The following RAG1 variants were observed in gnomAD, a reference collection of about 807,000 sequenced individuals.
RAG1 encodes recombination activating 1.
In RAG1, 35 loss-of-function variants were observed where a neutral mutation model predicts 62.7. That is an observed-to-expected ratio of 0.56 (90% confidence interval 0.43 to 0.74). The LOEUF (loss-of-function observed/expected upper bound fraction) is 0.74, where lower values mean the gene tolerates loss of function less well. Ranked by LOEUF, RAG1 falls within the 30% of genes least tolerant of loss-of-function variation. The probability of loss-of-function intolerance (pLI) is 0.00; values close to 1 mark genes in which losing one functional copy is unlikely to be tolerated. For missense variants in RAG1, 1,169 were observed against 1,278.6 expected (o/e 0.91, Z 1.31); for synonymous variants, 461 against 470.3 (o/e 0.98, Z 0.26).
At chr11:36,530,686 G>A (rs574216408) in intron 2 of RAG1, among the ~76,000 whole-genome samples, 1 of 151,956 alleles carries the variant, frequency 6.6e-6, no homozygotes, top group Admixed American at 6.6e-5. Context: ...GTCAGAGAAC[G>A]CACTTGATAT....
intron 3 of RAG1, among the ~76,000 whole-genome samples, chr11:36,546,982 C>G (rs1564981561): frequency 6.6e-6 from 1 of 151,630 alleles, no homozygotes; most frequent in Non-Finnish European, 1.5e-5. Flanking sequence ...CTCTGGCTGC[C>G]CTTAACATTT....
intron 1 of RAG1, among the ~76,000 whole-genome samples, chr11:36,568,840 A>C (rs1564986644): frequency 6.6e-6 from 1 of 152,190 alleles, no homozygotes. Context: ...AGGTTGTCTG[A>C]AGGAAGAGCA....
chr11:36,574,044 G>T lies in RAG1; in HGVS notation c.740G>T (p.Arg247Leu), dbSNP rs4151029. 8 of 1,614,138 alleles carry T rather than the reference G, an allele frequency of 5.0e-6. No homozygotes were observed. Among genetic ancestry groups the T allele is most frequent in the African/African-American group, 1.3e-5 (1 of 75,030 alleles). The change falls in exon 2 of 2, where the codon CGT (arginine) becomes CTT (leucine). Residue 247 changes from arginine (R) to leucine (L), a missense_variant. Coordinates refer to ENST00000299440, the MANE Select transcript of RAG1 (RefSeq NM_000448.3). Reference sequence around the variant, plus strand: ...GTGCTTGACCAAGCAAGACAAGCCCGTCAGCACAAGAGAAGAGCTCAGGCA... The same window carrying T: ...GTGCTTGACCAAGCAAGACAAGCCCTTCAGCACAAGAGAAGAGCTCAGGCA... ...KTVLDQARQA[R>L]QHKRRAQARI...
intron 3 of RAG1, among the ~76,000 whole-genome samples, chr11:36,542,352 CAT>C (rs1850318568): frequency 6.6e-6 from 1 of 152,160 alleles, no homozygotes; most frequent in African/African-American, 2.4e-5. Context: ...CACAGGGTAA[CAT>C]AGAGATGCTT....
intron 3 of RAG1, among the ~76,000 whole-genome samples, chr11:36,544,702 C>T (rs1379004932): frequency 6.6e-6 from 1 of 152,142 alleles, no homozygotes; most frequent in Non-Finnish European, 1.5e-5. Context: ...GGCTACATGT[C>T]CTCACCCAAA....
chr11:36,525,780 T>G (rs1860152642), intron 2 of RAG1, among the ~76,000 whole-genome samples: 1 of 152,182 alleles, frequency 6.6e-6, no homozygotes, highest in South Asian at 2.1e-4. Context: ...ACTCACTTTT[T>G]AAATTCTAGG....
intron 2 of RAG1, among the ~76,000 whole-genome samples, chr11:36,533,611 T>A (rs975471253): frequency 2.0e-5 from 3 of 152,220 alleles, no homozygotes; most frequent in Non-Finnish European, 4.4e-5. Flanking sequence ...ATTTTTTAGT[T>A]CTGTTTCATG....
chr11:36,524,276 C>A (rs1860124559), intron 2 of RAG1, among the ~76,000 whole-genome samples: 1 of 150,140 alleles, frequency 6.7e-6, no homozygotes, highest in Non-Finnish European at 1.5e-5. Context: ...ACCAACATGG[C>A]ACATGTATAT....
At chr11:36,562,590 A>T (rs1850605529) in intron 3 of RAG1, among the ~76,000 whole-genome samples, 2 of 152,118 alleles carry the variant, frequency 1.3e-5, no homozygotes, top group Non-Finnish European at 2.9e-5. Context: ...TGATAACCAT[A>T]CTCACTCATT....
upstream of RAG1, among the ~76,000 whole-genome samples, chr11:36,567,605 G>C (rs539881669): frequency 6.6e-5 from 10 of 152,300 alleles, no homozygotes; most frequent in South Asian, 1.2e-3. Context: ...CATCTACAAA[G>C]AGGCAGACAT....
rs112766186 is a variant in RAG1, at chr11:36,577,536, C to T, written c.*1100C>T. ...CAGGATAACCTTGTATTTTTCCATCCGCTAAGTTTAGATGGAGTCCAAACG... is the reference window on the plus strand; with the variant it reads ...CAGGATAACCTTGTATTTTTCCATCTGCTAAGTTTAGATGGAGTCCAAACG... On this transcript the variant is annotated 3_prime_UTR_variant, in exon 2 of 2. Transcript: ENST00000299440. 27 of 167,078 alleles carry T rather than the reference C, an allele frequency of 1.6e-4. No homozygotes were observed. Among genetic ancestry groups the T allele is most frequent in the East Asian group, 7.7e-4 (4 of 5,192 alleles). 10.3% of individuals were successfully genotyped at this position (167,078 alleles called of 1,614,324 possible).
At chr11:36,549,146 G>A (rs36195747) in intron 3 of RAG1, among the ~76,000 whole-genome samples, 1 of 152,160 alleles carries the variant, frequency 6.6e-6, no homozygotes, top group African/African-American at 2.4e-5. Context: ...AGGCTTAAAT[G>A]TAAGACCTAA....
At chr11:36,572,521 A>G (rs1850764158) in intron 1 of RAG1, among the ~76,000 whole-genome samples, 1 of 152,214 alleles carries the variant, frequency 6.6e-6, no homozygotes, top group South Asian at 2.1e-4. Context: ...ATCTGAAACC[A>G]TGTGAATTTT....
At chr11:36,566,577 A>G (rs1215321264), upstream of RAG1, 2 of 152,196 alleles carry the variant, frequency 1.3e-5, no homozygotes, top group African/African-American at 4.8e-5. Context: ...ACTCCTCTCT[A>G]CTTGACCTCA....
chr11:36,557,499 C>T (rs1011433830), intron 3 of RAG1, among the ~76,000 whole-genome samples: 4 of 149,226 alleles, frequency 2.7e-5, no homozygotes, highest in Non-Finnish European at 4.4e-5. Context: ...CACTGGCCTG[C>T]GCCCACTGTC....
In RAG1 at chr11:36,573,787, C is replaced by T. The variant is rs372677584; in HGVS notation, c.483C>T (p.Ile161=). ...WPDLIAKVFR[I]DVKADVDSIH... is the part of the protein sequence containing the mutation. ...ACCTCATTGCCAAGGTTTTCCGGAT[C>T]GATGTGAAGGCAGATGTTGACTCGA... The change falls in exon 2 of 2, where the codon ATC becomes ATT. Residue 161 remains isoleucine (I), a synonymous_variant. Transcript: ENST00000299440. 14 of 1,613,952 alleles carry T rather than the reference C, an allele frequency of 8.7e-6. No individual in the cohort carries two copies. The highest frequency in any genetic ancestry group is 4.0e-5 in the African/African-American group (3 of 74,898).
At chr11:36,516,044 G>A (rs1859990807) in intron 1 of RAG1, among the ~76,000 whole-genome samples, 1 of 152,122 alleles carries the variant, frequency 6.6e-6, no homozygotes, top group South Asian at 2.1e-4. Context: ...TGAAGAAAGG[G>A]GAAGGTGGGC....
rs1347498530 is a variant in RAG1, at chr11:36,574,248, T to G, written c.944T>G (p.Val315Gly). The G allele has an allele frequency of 6.2e-7, 1 of 1,614,166 alleles. No homozygotes were observed. The highest frequency in any genetic ancestry group is 8.5e-7 in the Non-Finnish European group (1 of 1,180,038). Residue 315 changes from valine (V) to glycine (G), a missense_variant, in exon 2 of 2, where the codon GTC (valine) becomes GGC (glycine). Val to Gly is a moderately radical substitution (Grantham distance 109, BLOSUM62 -3). Around this residue, in one of 2 missense-constraint regions of RAG1, gnomAD observed 800 missense variants for 943.3 expected, o/e 0.85. Coordinates refer to ENST00000299440, the MANE Select transcript of RAG1 (RefSeq NM_000448.3). The part of the protein sequence containing the change: ...ETNCKHVFCR[V>G]CILRCLKVMG... ...AACTGTAAGCATGTCTTTTGCCGGG[T>G]CTGCATTCTCAGATGCCTCAAAGTC...
At chr11:36,536,780 A>T (rs531185919), downstream of RAG1, among the ~76,000 whole-genome samples, 1 of 151,374 alleles carries the variant, frequency 6.6e-6, no homozygotes, top group Non-Finnish European at 1.5e-5. Context: ...ATTTTTTGAG[A>T]CGGAGTCTTG....
Sources: allele counts gnomAD v4.1 joint callset (sites outside exome capture counted in the v4.1 genomes callset), GRCh38; gene constraint gnomAD v4.1.1; regional missense constraint gnomAD v4.1.1; transcripts MANE v1.5; gene names NCBI Gene and HGNC (gene_info 2026-07-23, HGNC 2026-07-21).